The following PCDH15 variants were observed in gnomAD, a reference collection of about 807,000 sequenced individuals.
PCDH15 encodes the protein protocadherin-15.
A neutral mutation model predicts 178.5 loss-of-function variants in PCDH15; 129 were observed. The ratio of observed to expected loss-of-function variants is 0.72; its 90% CI spans 0.63 to 0.84. The LOEUF (loss-of-function observed/expected upper bound fraction) is 0.84. Among genes scored for constraint, PCDH15 ranks in the 40% least tolerant of loss-of-function variants. The pLI is 0.00. For missense variants in PCDH15, 2,230 were observed against 2,099.9 expected, an observed-to-expected ratio of 1.06 and a Z score of -1.21; for synonymous variants, 800 against 732.0, an observed-to-expected ratio of 1.09 and a Z score of -1.50.
intron 18 of PCDH15, among the ~76,000 whole-genome samples, chr10:54,045,574 C>A (rs1276750936): frequency 6.6e-6 from 1 of 151,860 alleles, no homozygotes; most frequent in Non-Finnish European, 1.5e-5. Flanking sequence ...AATAGAGAGC[C>A]CAGAAACAAA....
chr10:55,285,724 G>C (rs111368845), intron 1 of PCDH15, among the ~76,000 whole-genome samples: 3,883 of 151,804 alleles, frequency 0.026, 165 homozygotes, highest in African/African-American at 0.087. Context: ...AATGAACAAA[G>C]AAATAAATGA....
At chr10:54,172,493 C>T (rs955222998) in intron 13 of PCDH15, among the ~76,000 whole-genome samples, 7 of 151,918 alleles carry the variant, frequency 4.6e-5, no homozygotes, top group Admixed American at 2.6e-4. Context: ...GGTCTCTTCA[C>T]GCGCATGAAA....
chr10:54,232,740 G>A (rs184240317), intron 9 of PCDH15, among the ~76,000 whole-genome samples: 2 of 152,026 alleles, frequency 1.3e-5, no homozygotes, highest in Non-Finnish European at 2.9e-5. Context: ...TTCATTCCAA[G>A]TTAGTAAATT....
intron 1 of PCDH15, among the ~76,000 whole-genome samples, chr10:54,788,212 T>C (rs1951072459): frequency 1.3e-5 from 2 of 151,916 alleles, no homozygotes; most frequent in Non-Finnish European, 2.9e-5. Flanking sequence ...AGGGCTGATA[T>C]ATGGGTTTCA....
intron 2 of PCDH15, among the ~76,000 whole-genome samples, chr10:55,511,004 C>A (rs1299776742): frequency 6.6e-6 from 1 of 151,070 alleles, no homozygotes; most frequent in Admixed American, 6.6e-5. Context: ...GGACCACAGA[C>A]ATGCACCAAC....
At chr10:55,094,189 A>G (rs1024278721) in intron 2 of PCDH15, among the ~76,000 whole-genome samples, 10 of 152,204 alleles carry the variant, frequency 6.6e-5, no homozygotes, top group African/African-American at 2.4e-4. Context: ...TGGCACATAT[A>G]CACCATGGAA....
chr10:54,392,272 C>T (rs1181017830), intron 3 of PCDH15, among the ~76,000 whole-genome samples: 1 of 81,096 alleles, frequency 1.2e-5, no homozygotes, highest in Non-Finnish European at 2.4e-5. Flanking sequence ...CAAGGTCAGT[C>T]TGGTCAACAT....
intron 19 of PCDH15, among the ~76,000 whole-genome samples, chr10:54,022,130 T>C (rs574053335): frequency 4.6e-5 from 7 of 151,986 alleles, no homozygotes; most frequent in African/African-American, 1.2e-4. Context: ...TTTTTTTTTT[T>C]CCAAAACATA....
At chr10:54,059,293 TATGTA>T (rs1443334475) in intron 18 of PCDH15, among the ~76,000 whole-genome samples, 19 of 152,360 alleles carry the variant, frequency 1.2e-4, no homozygotes, top group Non-Finnish European at 2.2e-4. Flanking sequence ...TTATTATTGT[TATGTA>T]AAGTAACTAG....
chr10:55,223,150 A>T (rs1038381405), intron 1 of PCDH15, among the ~76,000 whole-genome samples: 23 of 152,138 alleles, frequency 1.5e-4, no homozygotes, highest in Admixed American at 1.0e-3. Flanking sequence ...TATTGAGCAT[A>T]ATTTTATTTA....
chr10:54,347,802 T>G (rs1251499397), intron 5 of PCDH15, among the ~76,000 whole-genome samples: 5 of 152,138 alleles, frequency 3.3e-5, no homozygotes, highest in Non-Finnish European at 5.9e-5. Context: ...AATATTTTAA[T>G]TGTATATAAA....
At chr10:54,511,366 C>G (rs1417141875) in intron 3 of PCDH15, among the ~76,000 whole-genome samples, 1 of 152,124 alleles carries the variant, frequency 6.6e-6, no homozygotes, top group African/African-American at 2.4e-5. Context: ...TGCCCTCACT[C>G]TCCTCTGATT....
intron 1 of PCDH15, among the ~76,000 whole-genome samples, chr10:55,262,671 C>G (rs1201821302): frequency 6.6e-6 from 1 of 152,142 alleles, no homozygotes; most frequent in Non-Finnish European, 1.5e-5. Flanking sequence ...ACCACCTTCC[C>G]ACTGCATCTC....
At chr10:55,200,792 T>C (rs1010468850) in intron 1 of PCDH15, among the ~76,000 whole-genome samples, 2 of 152,020 alleles carry the variant, frequency 1.3e-5, no homozygotes, top group Non-Finnish European at 2.9e-5. Context: ...TGTTTGAAAG[T>C]GTGTAGTGCT....
chr10:55,311,349 A>G (rs1488006594), intron 1 of PCDH15, among the ~76,000 whole-genome samples: 1 of 152,104 alleles, frequency 6.6e-6, no homozygotes, highest in East Asian at 1.9e-4. Context: ...GATTCCCCTA[A>G]AGCAGGAAGT....
At chr10:54,854,587 G>A (rs574267865) in intron 3 of PCDH15, among the ~76,000 whole-genome samples, 24 of 152,228 alleles carry the variant, frequency 1.6e-4, no homozygotes, top group Non-Finnish European at 3.1e-4. Context: ...GGAGACCCTG[G>A]AGTGGACAGC....
At chr10:54,568,306 C>T (rs576512826) in intron 2 of PCDH15, among the ~76,000 whole-genome samples, 12 of 152,014 alleles carry the variant, frequency 7.9e-5, no homozygotes, top group African/African-American at 2.9e-4. Context: ...ATCACTTTCT[C>T]CAAGAAATCT....
intron 32 of PCDH15, among the ~76,000 whole-genome samples, chr10:53,824,356 C>T (rs1246865729): frequency 6.6e-6 from 1 of 152,074 alleles, no homozygotes; most frequent in Non-Finnish European, 1.5e-5. Context: ...CAAGCCAAAA[C>T]AGAATAACAT....
intron 1 of PCDH15, among the ~76,000 whole-genome samples, chr10:55,188,670 C>T (rs932164323): frequency 2.0e-5 from 3 of 151,768 alleles, no homozygotes; most frequent in African/African-American, 7.3e-5. Context: ...CAAACTTTTA[C>T]AGTATCCTTT....
Sources: gnomAD v4.1 joint callset for allele counts (sites outside exome capture counted in the v4.1 genomes callset) on GRCh38, gnomAD v4.1.1 for gene constraint, MANE v1.5 for transcripts, NCBI Gene and HGNC (gene_info 2026-07-23, HGNC 2026-07-21) for gene names.